Variants in ATRNL1 observed in about 807,000 individuals in gnomAD.
The protein encoded by ATRNL1 is attractin like 1, also known as attractin-like protein 1.
A neutral mutation model predicts 182.7 loss-of-function variants in ATRNL1; 95 were observed. The observed-to-expected ratio is 0.52, with a 90% CI of 0.44 to 0.62. ATRNL1 has a LOEUF of 0.62. ATRNL1 is among the 20% of genes least tolerant of loss of function. ATRNL1 has a pLI of 0.00. For missense variants in ATRNL1, 1,471 were observed against 1,679.5 expected (o/e 0.88, Z 2.17); for synonymous variants, 576 against 568.3 (o/e 1.01, Z -0.19).
intron 26 of ATRNL1, among the ~76,000 whole-genome samples, chr10:115,687,825 C>T (rs1377647767): frequency 6.6e-6 from 1 of 151,888 alleles, no homozygotes; most frequent in Non-Finnish European, 1.5e-5. Flanking sequence ...CTTTCAAGTT[C>T]TCTCTTGTAC....
chr10:115,654,589 T>G (rs1555035269), intron 26 of ATRNL1, among the ~76,000 whole-genome samples: 2 of 152,194 alleles, frequency 1.3e-5, no homozygotes, highest in Non-Finnish European at 2.9e-5. Flanking sequence ...ATGGTTGCCT[T>G]TTACATTTTT....
intron 28 of ATRNL1, among the ~76,000 whole-genome samples, chr10:115,848,477 A>G (rs1257358632): frequency 6.6e-6 from 1 of 152,166 alleles, no homozygotes; most frequent in Non-Finnish European, 1.5e-5. Flanking sequence ...CCATCTCAGT[A>G]GGTTTAAGAT....
intron 27 of ATRNL1, among the ~76,000 whole-genome samples, chr10:115,768,577 A>G (rs538679885): frequency 3.3e-5 from 5 of 152,278 alleles, no homozygotes; most frequent in South Asian, 2.1e-4. Flanking sequence ...ACAAGAGAAT[A>G]TGCACCATTA....
At chr10:115,472,939 C>T (rs1316824843) in intron 24 of ATRNL1, among the ~76,000 whole-genome samples, 4 of 151,166 alleles carry the variant, frequency 2.6e-5, no homozygotes, top group African/African-American at 7.3e-5. Flanking sequence ...GAAAAACCTT[C>T]TGCATCTTGC....
At chr10:115,743,213 C>G (rs1555068135) in intron 27 of ATRNL1, among the ~76,000 whole-genome samples, 1 of 127,772 alleles carries the variant, frequency 7.8e-6, no homozygotes, top group Non-Finnish European at 1.6e-5. Context: ...ACAGACAAAC[C>G]ATATTAGCTT....
chr10:115,706,067 T>C (rs1315838596), intron 26 of ATRNL1, among the ~76,000 whole-genome samples: 1 of 151,912 alleles, frequency 6.6e-6, no homozygotes, highest in Non-Finnish European at 1.5e-5. Context: ...CTCAATGACT[T>C]AAAACAAGTT....
At chr10:115,549,699 C>CT (rs1390544326) in intron 26 of ATRNL1, among the ~76,000 whole-genome samples, 163 bp downstream of exon 26, 2 of 151,850 alleles carry the variant, frequency 1.3e-5, no homozygotes, top group Admixed American at 1.3e-4. Context: ...GTAGAGCAAA[C>CT]TTTATCACTG....
rs782260288 is a variant in ATRNL1 at position 115,120,203 on chromosome 10, A to G, written c.312A>G (p.Gly104=). The G allele has an allele frequency of 6.4e-7, 1 of 1,564,230 alleles. No homozygotes were observed. The highest frequency in any genetic ancestry group is 8.8e-7 in the Non-Finnish European group (1 of 1,138,636). ...QGRFKLTEPS[G]YLTDGPINYK... Reference sequence around the variant, plus strand: ...CTTCCAGGTTAACAGAACCTTCTGGATATTTAACAGATGGCCCAATTAACT... The same window carrying G: ...CTTCCAGGTTAACAGAACCTTCTGGGTATTTAACAGATGGCCCAATTAACT... The change falls in exon 2 of 29, where the codon GGA becomes GGG. Residue 104 remains glycine (G), a synonymous_variant. Coordinates refer to ENST00000355044, the MANE Select transcript of ATRNL1 (RefSeq NM_207303.4).
chr10:115,606,606 A>G (rs1213556784), intron 26 of ATRNL1, among the ~76,000 whole-genome samples: 1 of 152,048 alleles, frequency 6.6e-6, no homozygotes, highest in Non-Finnish European at 1.5e-5. Context: ...TATTATGCAA[A>G]TATTATTGCT....
intron 26 of ATRNL1, among the ~76,000 whole-genome samples, chr10:115,699,365 C>G (rs1946661747): frequency 6.6e-6 from 1 of 152,084 alleles, no homozygotes; most frequent in Non-Finnish European, 1.5e-5. Context: ...GATTAGATGA[C>G]TTGCCTTTCA....
At chr10:115,718,125 C>T (rs550940337) in intron 26 of ATRNL1, among the ~76,000 whole-genome samples, 2 of 152,092 alleles carry the variant, frequency 1.3e-5, no homozygotes, top group African/African-American at 4.8e-5. Context: ...GTTACCTAGA[C>T]CAGAGGATTT....
In ATRNL1 at chr10:115,948,861, C is replaced by T. The variant is rs1447869438; in HGVS notation, c.*4082C>T. The T allele has an allele frequency of 8.4e-6, 1 of 118,730 alleles. No individual in the cohort carries two copies. Among genetic ancestry groups the T allele is most frequent in the Non-Finnish European group, 1.8e-5 (1 of 57,020 alleles). The allele number at this position is 118,730 out of a possible 1,614,324, so 7.4% of individuals were successfully genotyped here. On this transcript the variant is annotated 3_prime_UTR_variant, in exon 29 of 29. Transcript: ENST00000355044. ...GAGCTCCTATCAGTATATATGTACA[C>T]AGGTGTGCATGCCAGTGTTCAAAAG...
chr10:115,389,571 T>C (rs71473090), intron 19 of ATRNL1, among the ~76,000 whole-genome samples: 11 of 119,328 alleles, frequency 9.2e-5, no homozygotes, highest in East Asian at 2.5e-4. Context: ...TATATATATA[T>C]ATATATATAT....
intron 27 of ATRNL1, among the ~76,000 whole-genome samples, chr10:115,796,484 C>T (rs1453475378): frequency 6.6e-6 from 1 of 152,176 alleles, no homozygotes; most frequent in Admixed American, 6.5e-5. Context: ...ACATCTTTCT[C>T]ACCCACTGGA....
intron 27 of ATRNL1, among the ~76,000 whole-genome samples, chr10:115,774,863 G>T (rs1555077446): frequency 6.6e-6 from 1 of 150,704 alleles, no homozygotes; most frequent in African/African-American, 2.4e-5. Flanking sequence ...AGTTAGTGAA[G>T]TCATGGTTTG....
intron 27 of ATRNL1, among the ~76,000 whole-genome samples, chr10:115,742,207 G>A (rs1483398465): frequency 1.3e-5 from 2 of 152,064 alleles, no homozygotes; most frequent in East Asian, 3.9e-4. Context: ...ACATGAGATA[G>A]TAATTTAAGA....
intron 21 of ATRNL1, among the ~76,000 whole-genome samples, chr10:115,439,881 T>C (rs1846584870): frequency 6.6e-6 from 1 of 151,934 alleles, no homozygotes; most frequent in Non-Finnish European, 1.5e-5. Flanking sequence ...CATTGATTAT[T>C]CTTATATGAA....
rs183445600 is a variant in ATRNL1 at position 115,914,276 on chromosome 10, A to G, written c.4019-30382A>G. Among the ~76,000 whole-genome samples the G allele has an allele frequency of 2.6e-4, 40 of 152,308 alleles. 1 individual carries two copies. In the East Asian group the frequency reaches 6.4e-3, roughly 24 times the overall value. On this transcript the variant is annotated intron_variant, in intron 28 of 28. Coordinates refer to ENST00000355044, the MANE Select transcript of ATRNL1 (RefSeq NM_207303.4). ...TTTACCCAATCTCAGATATTTCTTC[A>G]TAGTGGTGTGAAAATGACCTAATAC...
intron 13 of ATRNL1, among the ~76,000 whole-genome samples, chr10:115,280,148 A>G (rs571816187): frequency 1.3e-5 from 2 of 152,316 alleles, no homozygotes; most frequent in African/African-American, 2.4e-5. Context: ...GGTTTTGACT[A>G]CTGTCAGATT....
Sources: gnomAD v4.1 joint callset for allele counts (sites outside exome capture counted in the v4.1 genomes callset) on GRCh38, gnomAD v4.1.1 for gene constraint, MANE v1.5 for transcripts, NCBI Gene and HGNC (gene_info 2026-07-23, HGNC 2026-07-21) for gene names.